Variants in SCML4 observed in about 807,000 individuals in gnomAD.
SCML4 encodes sex comb on midleg-like protein 4.
A neutral mutation model predicts 41.1 loss-of-function variants in SCML4; 34 were observed. The ratio of observed to expected loss-of-function variants is 0.83; its 90% confidence interval spans 0.63 to 1.10. SCML4 has a LOEUF of 1.10. Ranked by LOEUF, SCML4 falls within the 50% of genes least tolerant of loss-of-function variation. The pLI is 0.00. For missense variants in SCML4, 522 were observed against 534.1 expected, an observed-to-expected ratio of 0.98 and a Z score of 0.22; for synonymous variants, 214 against 220.9, an observed-to-expected ratio of 0.97 and a Z score of 0.28.
At chr6:107,748,354 G>C (rs1297773879) in intron 3 of SCML4, among the ~76,000 whole-genome samples, 1 of 152,192 alleles carries the variant, frequency 6.6e-6, no homozygotes, top group Non-Finnish European at 1.5e-5. Context: ...TGGCATTTTG[G>C]AAAGGCTAAG....
chr6:107,733,334 T>G (rs1056597052), intron 5 of SCML4, among the ~76,000 whole-genome samples: 2 of 152,194 alleles, frequency 1.3e-5, no homozygotes, highest in Non-Finnish European at 2.9e-5. Context: ...AACTCAGCAG[T>G]AGCTAGGATA....
At chr6:107,838,556 A>G in the SCML4 span, among the ~76,000 whole-genome samples, 1 of 152,218 alleles carries the variant, frequency 6.6e-6, no homozygotes, top group South Asian at 2.1e-4. Context: ...GGCAGTCAGT[A>G]GAAGTGACTC....
At chr6:107,843,997 T>C in the SCML4 span, among the ~76,000 whole-genome samples, 3 of 152,012 alleles carry the variant, frequency 2.0e-5, no homozygotes, top group South Asian at 4.2e-4. Flanking sequence ...TTTTAAAGTT[T>C]AAAGGCAAAG....
chr6:107,833,941 T>C, the SCML4 span, among the ~76,000 whole-genome samples: 1 of 152,078 alleles, frequency 6.6e-6, no homozygotes, highest in African/African-American at 2.4e-5. Context: ...GAATATGATG[T>C]AAAGTTGTTG....
chr6:107,837,925 TG>T, the SCML4 span, among the ~76,000 whole-genome samples: 9 of 129,148 alleles, frequency 7.0e-5, no homozygotes, highest in African/African-American at 2.3e-4. Flanking sequence ...TTTTTTTTTT[TG>T]AGATGGAGTT....
intron 5 of SCML4, chr6:107,732,198 C>T (rs1218948789): frequency 1.3e-5 from 2 of 152,300 alleles, no homozygotes; most frequent in African/African-American, 2.4e-5. Flanking sequence ...AACTCAGTCC[C>T]GCCCCTTGTT....
intron 2 of SCML4, among the ~76,000 whole-genome samples, chr6:107,755,168 A>AT (rs1419698669): frequency 6.6e-6 from 1 of 152,130 alleles, no homozygotes; most frequent in African/African-American, 2.4e-5. Flanking sequence ...AAGTAATGGA[A>AT]TTATAATTGG....
the SCML4 span, among the ~76,000 whole-genome samples, chr6:107,842,557 C>T: frequency 6.6e-6 from 1 of 152,178 alleles, no homozygotes; most frequent in South Asian, 2.1e-4. Context: ...ACCACCACGC[C>T]CAGCTAATTT....
intron 1 of SCML4, among the ~76,000 whole-genome samples, chr6:107,778,846 C>T (rs1781246248): frequency 6.6e-6 from 1 of 152,258 alleles, no homozygotes; most frequent in East Asian, 1.9e-4. Context: ...GACAGTGAGG[C>T]TCAAACACTA....
At chr6:107,805,954 G>A (rs373011315) in intron 1 of SCML4, among the ~76,000 whole-genome samples, 2 of 152,164 alleles carry the variant, frequency 1.3e-5, no homozygotes, top group African/African-American at 4.8e-5. Context: ...TGGAGGCCAC[G>A]GTTATGAGTT....
At chr6:107,754,719 T>A (rs1338336438) in intron 2 of SCML4, among the ~76,000 whole-genome samples, 1 of 152,218 alleles carries the variant, frequency 6.6e-6, no homozygotes, top group African/African-American at 2.4e-5. Flanking sequence ...AAAATGACGA[T>A]GATGATGATG....
chr6:107,838,643 C>A, the SCML4 span, among the ~76,000 whole-genome samples: 1 of 152,136 alleles, frequency 6.6e-6, no homozygotes, highest in Non-Finnish European at 1.5e-5. Context: ...GAGAGTTGCC[C>A]ATCCTTGAGG....
At chr6:107,713,945 T>C (rs61494281) in intron 6 of SCML4, among the ~76,000 whole-genome samples, 147 of 152,336 alleles carry the variant, frequency 9.6e-4, no homozygotes, top group African/African-American at 3.5e-3. Context: ...ATTATTTCTA[T>C]CTGTTGCCCA....
intron 3 of SCML4, among the ~76,000 whole-genome samples, chr6:107,748,304 T>C (rs1326169508): frequency 6.6e-6 from 1 of 152,174 alleles, no homozygotes; most frequent in African/African-American, 2.4e-5. Context: ...AGGCCACTGG[T>C]GCAAAGGAGT....
rs1312936570 is a variant in SCML4 at position 107,703,330 on chromosome 6, C to CA, written c.*1869dup. ...CTGGATCGGGACCCCCTTCCTGTAA[C>CA]AAAATCACCAGACATCAAGCTCTTC... On this transcript the variant is annotated 3_prime_UTR_variant, in exon 8 of 8. Transcript: ENST00000369020. Among the ~76,000 whole-genome samples, 1 of 152,162 alleles carries CA rather than the reference C, an allele frequency of 6.6e-6. No individual in the cohort carries two copies. The highest frequency in any genetic ancestry group is 2.4e-5 in the African/African-American group (1 of 41,428).
At chr6:107,800,749 A>G (rs9320237) in intron 1 of SCML4, among the ~76,000 whole-genome samples, 27,562 of 152,166 alleles carry the variant, frequency 0.18, 2,725 homozygotes, top group African/African-American at 0.25. Flanking sequence ...GCTTAATGTT[A>G]GGTCCTGTCA....
intron 5 of SCML4, among the ~76,000 whole-genome samples, chr6:107,735,165 C>A (rs953028757): frequency 6.6e-6 from 1 of 152,138 alleles, no homozygotes; most frequent in African/African-American, 2.4e-5. Flanking sequence ...CGTGAGCCAC[C>A]GAGCTCAGCC....
At chr6:107,797,528 T>C (rs1235963703) in intron 1 of SCML4, among the ~76,000 whole-genome samples, 3 of 152,056 alleles carry the variant, frequency 2.0e-5, no homozygotes, top group Non-Finnish European at 2.9e-5. Context: ...AGGCTTTTTG[T>C]ACATTCCTTT....
intron 4 of SCML4, chr6:107,746,169 C>T (rs777324404): frequency 5.2e-5 from 8 of 152,934 alleles, no homozygotes; most frequent in Non-Finnish European, 1.0e-4. Context: ...AGAGAAGTAA[C>T]CAAGAAATTA....
Sources: gnomAD v4.1 joint callset for allele counts (sites outside exome capture counted in the v4.1 genomes callset) on GRCh38, gnomAD v4.1.1 for gene constraint, MANE v1.5 for transcripts, NCBI Gene and HGNC (gene_info 2026-07-23, HGNC 2026-07-21) for gene names.